ITGA9: variants seen among roughly 807,000 people sequenced by gnomAD.
ITGA9 encodes integrin subunit alpha 9.
A neutral mutation model predicts 127.8 loss-of-function variants in ITGA9; 56 were observed. The ratio of observed to expected loss-of-function variants is 0.44; its 90% confidence interval spans 0.35 to 0.55. ITGA9 has a LOEUF of 0.55. ITGA9 is among the 20% of genes least tolerant of loss of function. ITGA9 has a pLI of 0.00. For missense variants in ITGA9, 1,196 were observed against 1,347.1 expected (o/e 0.89, Z 1.76); for synonymous variants, 508 against 514.5 (o/e 0.99, Z 0.17).
At chr3:37,540,245 C>T (rs561005835) in intron 14 of ITGA9, among the ~76,000 whole-genome samples, 5 of 152,122 alleles carry the variant, frequency 3.3e-5, no homozygotes, top group Admixed American at 6.5e-5. Context: ...CAGGGGACCC[C>T]GAGGAGAGTC....
intron 22 of ITGA9, chr3:37,748,096 C>T (rs892937925): frequency 6.6e-6 from 3 of 456,304 alleles, no homozygotes; most frequent in Admixed American, 4.6e-5. Flanking sequence ...CACCATCTTC[C>T]AGTAATTCGC....
At chr3:37,602,800 A>G (rs1363429670) in intron 15 of ITGA9, among the ~76,000 whole-genome samples, 1 of 152,182 alleles carries the variant, frequency 6.6e-6, no homozygotes. Flanking sequence ...GGGTGCCACC[A>G]TTCCTCTGAT....
At chr3:37,710,146 C>A (rs772909880) in intron 18 of ITGA9, among the ~76,000 whole-genome samples, 27 of 152,282 alleles carry the variant, frequency 1.8e-4, no homozygotes, top group Admixed American at 3.3e-4. Context: ...CAGCCATGTG[C>A]GTCATCCCAG....
intron 7 of ITGA9, among the ~76,000 whole-genome samples, chr3:37,507,307 G>C (rs534982635): frequency 6.6e-6 from 1 of 152,338 alleles, no homozygotes; most frequent in East Asian, 1.9e-4. Flanking sequence ...TTGGGGAGGG[G>C]CTGCGGGCTA....
intron 14 of ITGA9, among the ~76,000 whole-genome samples, chr3:37,541,804 G>C (rs941210875): frequency 3.3e-5 from 5 of 152,230 alleles, no homozygotes; most frequent in African/African-American, 1.2e-4. Context: ...GAAGGCAGGA[G>C]TTTATGCCTG....
chr3:37,647,837 G>A (rs1246969167), intron 16 of ITGA9, among the ~76,000 whole-genome samples: 1 of 149,810 alleles, frequency 6.7e-6, no homozygotes. Flanking sequence ...ATATTCCATT[G>A]TATGTTTATA....
At chr3:37,647,691 C>G (rs1177579670) in intron 16 of ITGA9, among the ~76,000 whole-genome samples, 1 of 151,950 alleles carries the variant, frequency 6.6e-6, no homozygotes, top group Admixed American at 6.6e-5. Context: ...GTGTATTTAA[C>G]TTGTTTAGAT....
Position 37,741,828 on chromosome 3 carries a change from C to T in ITGA9, c.2324+9C>T. On this transcript the variant is annotated intron_variant, in intron 21 of 27. Transcript: ENST00000264741. ...GACACGTCCATCACCGGGTGAGTAG[C>T]CTGGTCCTGGGTTGCCACAACACAG... is the stretch of plus-strand genomic sequence containing the variant. The T allele has an allele frequency of 6.2e-7, 1 of 1,609,404 alleles. No individual in the cohort carries two copies.
intron 26 of ITGA9, among the ~76,000 whole-genome samples, chr3:37,797,513 G>T (rs553780417): frequency 6.6e-6 from 1 of 152,064 alleles, no homozygotes; most frequent in East Asian, 1.9e-4. Context: ...AGTAAGGCAG[G>T]CTTCTTGGGA....
intron 2 of ITGA9, 120 bp from the exon 3 acceptor site, chr3:37,473,234 G>A: frequency 1.4e-6 from 1 of 703,888 alleles, no homozygotes; most frequent in Admixed American, 2.0e-5. Flanking sequence ...TAGTGATGGA[G>A]TTGATTTACA....
intron 17 of ITGA9, among the ~76,000 whole-genome samples, chr3:37,676,388 C>T (rs1700682672): frequency 6.6e-6 from 1 of 152,206 alleles, no homozygotes; most frequent in Non-Finnish European, 1.5e-5. Flanking sequence ...TCTGGTCTAG[C>T]ACATGAACTT....
chr3:37,546,657 T>C (rs17036611), intron 15 of ITGA9, among the ~76,000 whole-genome samples: 5,013 of 152,256 alleles, frequency 0.033, 240 homozygotes, highest in African/African-American at 0.1. Context: ...TTGGGGATAC[T>C]TGTCAGGCAG....
chr3:37,735,576 G>A (rs544267110), intron 19 of ITGA9, among the ~76,000 whole-genome samples: 12 of 152,288 alleles, frequency 7.9e-5, no homozygotes, highest in Admixed American at 2.6e-4. Context: ...TTTAAGAACC[G>A]TTTTGTCCAA....
At chr3:37,609,795 GC>G (rs1389870306) in intron 15 of ITGA9, among the ~76,000 whole-genome samples, 4 of 152,212 alleles carry the variant, frequency 2.6e-5, no homozygotes, top group African/African-American at 9.7e-5. Context: ...TCATTCACAT[GC>G]CTGTCACCTT....
intron 15 of ITGA9, among the ~76,000 whole-genome samples, chr3:37,615,100 G>A (rs143828748): frequency 0.04 from 6,075 of 152,218 alleles, 400 homozygotes; most frequent in African/African-American, 0.14. Context: ...TTGGCTGTGC[G>A]TTTGTCATAG....
At chr3:37,804,990 G>A (rs1697279170) in intron 27 of ITGA9, among the ~76,000 whole-genome samples, 1 of 151,862 alleles carries the variant, frequency 6.6e-6, no homozygotes, top group Non-Finnish European at 1.5e-5. Context: ...TTTGAATAGT[G>A]TATTAGTTAA....
intron 18 of ITGA9, among the ~76,000 whole-genome samples, chr3:37,705,189 T>C (rs1409103440): frequency 6.6e-6 from 1 of 152,250 alleles, no homozygotes; most frequent in African/African-American, 2.4e-5. Flanking sequence ...TATACCGTTA[T>C]CATTTTTCCT....
At position 37,584,106 on chromosome 3, in the gene ITGA9, A is replaced by C. The variant is rs559590583; in HGVS notation, c.1689+41521A>C. On this transcript the variant is annotated intron_variant, in intron 15 of 27. Transcript: ENST00000264741. ...GCCCCACAACTCCATGGCACACATC[A>C]AGAAGCATTTATGTTCTCATGGATC... is the stretch of plus-strand genomic sequence containing the variant. Among the ~76,000 whole-genome samples, 3 of 152,336 alleles carry C rather than the reference A, an allele frequency of 2.0e-5. No individual in the cohort carries two copies. The South Asian group carries it at 6.2e-4, about 32-fold the overall frequency.
chr3:37,576,071 G>A (rs913612534), intron 15 of ITGA9, among the ~76,000 whole-genome samples: 3 of 152,244 alleles, frequency 2.0e-5, no homozygotes, highest in Non-Finnish European at 4.4e-5. Context: ...CCTGGAGCCA[G>A]TGGAGCTTCA....
Sources: allele counts gnomAD v4.1 joint callset (sites outside exome capture counted in the v4.1 genomes callset), GRCh38; gene constraint gnomAD v4.1.1; transcripts MANE v1.5; gene names NCBI Gene and HGNC (gene_info 2026-07-23, HGNC 2026-07-21).